USP38: variants seen among roughly 807,000 people sequenced by gnomAD.
The protein encoded by USP38 is ubiquitin specific peptidase 38.
USP38 carries 49 observed loss-of-function variants against 94.3 expected under a neutral mutation model. The observed-to-expected ratio is 0.52, with a 90% CI of 0.41 to 0.66. USP38 has a LOEUF of 0.66. USP38 is among the 30% of genes least tolerant of loss of function. The pLI, the probability that USP38 is intolerant of heterozygous loss-of-function variation, is 0.00. For missense variants in USP38, 1,128 were observed against 1,229.4 expected (o/e 0.92, Z 1.23); for synonymous variants, 468 against 463.6 (o/e 1.01, Z -0.12).
Position 143,187,827 on chromosome 4 carries a change from T to C in USP38, c.684T>C (p.Asp228=). ...QEVFASISST[D]ASFEPSVALA... ...TTTTCTTTTTAATTGAAAAAACAGA[T>C]GCATCATTTGAACCTTCTGTAGCAT... The change falls in exon 2 of 10, where the codon GAT becomes GAC. Residue 228 remains aspartate, a splice_region_variant and synonymous_variant. Transcript: ENST00000307017. The C allele has an allele frequency of 6.2e-7, 1 of 1,607,106 alleles. No individual in the cohort carries two copies. Among genetic ancestry groups the C allele is most frequent in the South Asian group, 1.1e-5 (1 of 89,414 alleles).
chr4:143,215,172 T>C, intron 9 of USP38: 1 of 499,462 alleles, frequency 2.0e-6, no homozygotes, highest in Non-Finnish European at 3.5e-6. Flanking sequence ...TATTTGTTCC[T>C]TACAAAAGAT....
rs1461690639 is a variant in USP38, at chr4:143,223,137, G to GT, written c.*2682dup. On this transcript the variant is annotated 3_prime_UTR_variant, in exon 10 of 10. Coordinates refer to ENST00000307017, the MANE Select transcript of USP38 (RefSeq NM_032557.6). Reference sequence around the variant, plus strand: ...TATATATGATGTCACACAAGCTCCAGTAAGCTATCCACTAAGCAGGTGCCT... The same window carrying GT: ...TATATATGATGTCACACAAGCTCCAGTTAAGCTATCCACTAAGCAGGTGCCT... 17 of 152,122 alleles carry GT rather than the reference G, an allele frequency of 1.1e-4. No homozygotes were observed. The highest frequency in any genetic ancestry group is 1.1e-3 in the Admixed American group (17 of 15,262). The allele number at this position is 152,122 out of a possible 1,614,324, so 9.4% of individuals were successfully genotyped here.
rs944827133 is a variant in USP38 at position 143,188,046 on chromosome 4, C to A, written c.818+85C>A. On this transcript the variant is annotated intron_variant, in intron 2 of 9. Transcript: ENST00000307017. Reference sequence around the variant, plus strand: ...TATTTTGTGAGTAATGAAAAACTTACGAATGTTTAAAACTAAAATCATGGA... The same window carrying A: ...TATTTTGTGAGTAATGAAAAACTTAAGAATGTTTAAAACTAAAATCATGGA... 7 of 1,403,310 alleles carry A rather than the reference C, an allele frequency of 5.0e-6. No individual in the cohort carries two copies. In the African/African-American group the frequency reaches 7.3e-5, roughly 15 times the overall value. The allele number at this position is 1,403,310 out of a possible 1,614,324, so 86.9% of individuals were successfully genotyped here.
chr4:143,206,222 A>G lies in USP38; in HGVS notation c.1399A>G (p.Thr467Ala). ...TGTTATACAAGCCTTGTTTATGGCCACAGAGTAAGTTTAAACTTGAATCTT... is the reference window on the plus strand; with the variant it reads ...TGTTATACAAGCCTTGTTTATGGCCGCAGAGTAAGTTTAAACTTGAATCTT... ...NSVIQALFMA[T>A]DFRRQVLSLN... The change falls in exon 6 of 10, where the codon ACA becomes GCA. Residue 467 changes from threonine (T) to alanine (A), a missense_variant. Thr to Ala is a moderately conservative substitution (Grantham distance 58). Transcript: ENST00000307017. 6.3e-7 allele frequency: 1 copy of G among 1,585,958 alleles called. No individual in the cohort carries two copies. The highest frequency in any genetic ancestry group is 8.6e-7 in the Non-Finnish European group (1 of 1,168,762).
chr4:143,198,129 T>C (rs976354620), intron 4 of USP38, among the ~76,000 whole-genome samples: 4 of 152,156 alleles, frequency 2.6e-5, no homozygotes, highest in African/African-American at 4.8e-5. Context: ...ACTACTCCAC[T>C]TGCAACAACT....
Position 143,185,623 on chromosome 4 carries a change from G to C in USP38, c.173G>C (p.Arg58Pro). 14 of 1,614,162 alleles carry C rather than the reference G, an allele frequency of 8.7e-6. No individual in the cohort carries two copies. The highest frequency in any genetic ancestry group is 1.2e-5 in the Non-Finnish European group (14 of 1,180,018). ...LILEGQDPFQRQVGHQVLEAY... is the reference protein window; with the variant it reads ...LILEGQDPFQPQVGHQVLEAY... ...CTGGAGGGCCAGGACCCTTTCCAGC[G>C]GCAGGTGGGGCACCAGGTGCTGGAG... The change falls in exon 1 of 10, where the codon CGG (arginine) becomes CCG (proline). Residue 58 changes from arginine to proline, a missense_variant. Arg to Pro is a moderately radical substitution (Grantham distance 103). Coordinates refer to ENST00000307017, the MANE Select transcript of USP38 (RefSeq NM_032557.6).
chr4:143,205,948 A>G, intron 5 of USP38, 85 bp from the exon 6 acceptor site: 3 of 1,041,920 alleles, frequency 2.9e-6, no homozygotes, highest in South Asian at 5.1e-5. Context: ...CGGTGTAAGA[A>G]TCTTCTTAAT....
chr4:143,186,613 A>G lies in USP38; in HGVS notation c.682+481A>G, dbSNP rs1344938895. 2.0e-5 allele frequency among the ~76,000 whole-genome samples: 3 copies of G among 152,254 alleles called. No homozygotes were observed. In the South Asian group the frequency reaches 6.2e-4, roughly 32 times the overall value. On this transcript the variant is annotated intron_variant, in intron 1 of 9. Coordinates refer to ENST00000307017, the MANE Select transcript of USP38 (RefSeq NM_032557.6). ...TATTACTGGATTATCCCAGATAACT[A>G]TGAAGTTTTTAAATAGTGACATTTT...
At chr4:143,207,542 A>G (rs1731904541) in intron 6 of USP38, among the ~76,000 whole-genome samples, 1 of 151,650 alleles carries the variant, frequency 6.6e-6, no homozygotes, top group South Asian at 2.1e-4. Context: ...CATCTAAAAA[A>G]GAAAGAAAGA....
At chr4:143,190,536 G>A (rs1200290742) in intron 2 of USP38, among the ~76,000 whole-genome samples, 1 of 152,016 alleles carries the variant, frequency 6.6e-6, no homozygotes, top group Admixed American at 6.6e-5. Flanking sequence ...TTCATGGCCT[G>A]ATGTTGGTGT....
rs140620461 is a variant in USP38 at position 143,187,622 on chromosome 4, A to G, written c.683-204A>G. Among the ~76,000 whole-genome samples, 24 of 152,256 alleles carry G rather than the reference A, an allele frequency of 1.6e-4. No individual in the cohort carries two copies. The East Asian group carries it at 4.4e-3, about 28-fold the overall frequency. On this transcript the variant is annotated intron_variant, in intron 1 of 9. Transcript: ENST00000307017. The stretch of plus-strand genomic sequence containing the variant: ...CAGTATTCTGTCTATAGTATGAGTG[A>G]TCATTGCTGTTCACTCCTAATCTTT...
Position 143,203,477 on chromosome 4 carries a change from T to C in USP38, c.1120T>C (p.Leu374=). The change falls in exon 5 of 10, where the codon TTA becomes CTA. Residue 374 remains leucine, a synonymous_variant. Coordinates refer to ENST00000307017, the MANE Select transcript of USP38 (RefSeq NM_032557.6). ...NDGLPSSTAF[L]VQLTELIHCM... Reference sequence around the variant, plus strand: ...TGGTCTGCCTTCAAGTACAGCCTTCTTAGTACAATTAACAGAATTGATACA... The same window carrying C: ...TGGTCTGCCTTCAAGTACAGCCTTCCTAGTACAATTAACAGAATTGATACA... The C allele has an allele frequency of 6.2e-7, 1 of 1,613,392 alleles. No homozygotes were observed. Among genetic ancestry groups the C allele is most frequent in the Non-Finnish European group, 8.5e-7 (1 of 1,179,604 alleles).
chr4:143,197,764 C>A, intron 3 of USP38, 59 bp from the exon 4 acceptor site: 1 of 1,193,958 alleles, frequency 8.4e-7, no homozygotes, highest in Non-Finnish European at 1.2e-6. Flanking sequence ...AAAATAACCA[C>A]TGTTGGATTA....
chr4:143,187,204 G>C (rs1731254760), intron 1 of USP38, among the ~76,000 whole-genome samples: 1 of 151,862 alleles, frequency 6.6e-6, no homozygotes, highest in South Asian at 2.1e-4. Flanking sequence ...TGCTTAATTT[G>C]TATACAGTTT....
At position 143,223,824 on chromosome 4, in the gene USP38, GT is replaced by G; in HGVS notation, c.*3371del. The G allele has an allele frequency of 6.6e-6, 1 of 152,004 alleles. No homozygotes were observed. The highest frequency in any genetic ancestry group is 1.5e-5 in the Non-Finnish European group (1 of 67,980). The allele number at this position is 152,004 out of a possible 1,614,324, so 9.4% of individuals were successfully genotyped here. On this transcript the variant is annotated 3_prime_UTR_variant, in exon 10 of 10. Transcript: ENST00000307017. ...TATTTTTTCTCATAAAAATGTGATA[GT>G]TTATATATCCTTTCATCATACGTTT... is the stretch of plus-strand genomic sequence containing the variant.
At position 143,223,714 on chromosome 4, in the gene USP38, A is replaced by G. The variant is rs987906397; in HGVS notation, c.*3258A>G. The G allele has an allele frequency of 1.3e-5, 2 of 152,076 alleles. No homozygotes were observed. The highest frequency in any genetic ancestry group is 1.9e-4 in the East Asian group (1 of 5,200). The allele number at this position is 152,076 out of a possible 1,614,324, so 9.4% of individuals were successfully genotyped here. A position where few individuals can be genotyped will look rare whatever the true frequency, so the allele number is the denominator to read the frequency against. ...TTTAATTCTCAGTCCATCTTTTCCTATGATTGTGTACTTCACATGATACAT... is the reference window on the plus strand; with the variant it reads ...TTTAATTCTCAGTCCATCTTTTCCTGTGATTGTGTACTTCACATGATACAT... On this transcript the variant is annotated 3_prime_UTR_variant, in exon 10 of 10. Transcript: ENST00000307017.
At chr4:143,187,737 A>G in intron 1 of USP38, 89 bp from the exon 2 acceptor site, 1 of 1,391,726 alleles carries the variant, frequency 7.2e-7, no homozygotes, top group Non-Finnish European at 9.6e-7. Context: ...CCTTTGCTGC[A>G]ATGACTTTTT....
At chr4:143,202,796 C>T (rs1731754159) in intron 4 of USP38, among the ~76,000 whole-genome samples, 1 of 151,932 alleles carries the variant, frequency 6.6e-6, no homozygotes, top group South Asian at 2.1e-4. Flanking sequence ...TTCTGATGCC[C>T]TTTATTTTTA....
chr4:143,214,773 A>G lies in USP38; in HGVS notation c.2797A>G (p.Thr933Ala). 1.9e-6 allele frequency: 3 copies of G among 1,613,802 alleles called. No homozygotes were observed. Among genetic ancestry groups the G allele is most frequent in the Non-Finnish European group, 2.5e-6 (3 of 1,179,818 alleles). Residue 933 changes from threonine (T) to alanine (A), a missense_variant, in exon 9 of 10, where the codon ACG becomes GCG. By Grantham distance (58) the Thr-to-Ala change is moderately conservative. Transcript: ENST00000307017. ...FTSFQSVQKI[T>A]SRFPKDTAYV... ...TTCATTTCAGTCAGTCCAGAAAATT[A>G]CGAGCAGGTTTCCAAAGGACACAGC...
Sources: gnomAD v4.1 joint callset for allele counts (sites outside exome capture counted in the v4.1 genomes callset) on GRCh38, gnomAD v4.1.1 for gene constraint, MANE v1.5 for transcripts, NCBI Gene and HGNC (gene_info 2026-07-23, HGNC 2026-07-21) for gene names.